GLG1: variants seen among roughly 807,000 people sequenced by gnomAD.
GLG1 encodes the protein golgi glycoprotein 1, also known as Golgi apparatus protein 1.
GLG1 carries 38 observed loss-of-function variants against 160.5 expected under a neutral mutation model. That is an observed-to-expected ratio of 0.24 (90% CI 0.18 to 0.31). GLG1 has a LOEUF of 0.31. Ranked by LOEUF, GLG1 falls within the 10% of genes least tolerant of loss-of-function variation. The pLI, the probability that GLG1 is intolerant of heterozygous loss-of-function variation, is 1.00. For missense variants in GLG1, 1,373 were observed against 1,505.2 expected, an observed-to-expected ratio of 0.91 and a Z score of 1.45; for synonymous variants, 644 against 543.4, an observed-to-expected ratio of 1.19 and a Z score of -2.57.
At chr16:74,456,564 C>T (rs2014549191) in intron 25 of GLG1, 85 bp downstream of exon 25, 3 of 824,098 alleles carry the variant, frequency 3.6e-6, no homozygotes, top group African/African-American at 1.7e-5. Flanking sequence ...AGTGGCATGG[C>T]CTTTGCTCAA....
At chr16:74,601,612 A>C (rs1057345735) in intron 1 of GLG1, among the ~76,000 whole-genome samples, 1 of 152,134 alleles carries the variant, frequency 6.6e-6, no homozygotes, top group Admixed American at 6.6e-5. Flanking sequence ...TTCTAGTACA[A>C]ATCCTGCTTA....
At chr16:74,506,602 A>AAAC (rs2016618412) in intron 3 of GLG1, among the ~76,000 whole-genome samples, 1 of 149,272 alleles carries the variant, frequency 6.7e-6, no homozygotes, top group African/African-American at 2.5e-5. Flanking sequence ...AAAAAAAAAA[A>AAAC]AACTCAAGAG....
At position 74,535,166 on chromosome 16, in the gene GLG1, G is replaced by A. The variant is rs531587650; in HGVS notation, c.439-3013C>T. On this transcript the variant is annotated intron_variant, in intron 1 of 25. Transcript: ENST00000422840. ...CGAGTTAAGCCCATGAAAGTTTGAG[G>A]GTGTCTGTTATGAAGAAAAAATGAC... Among the ~76,000 whole-genome samples, 22 of 152,098 alleles carry A rather than the reference G, an allele frequency of 1.4e-4. No individual in the cohort carries two copies. The South Asian group carries it at 4.4e-3, about 30-fold the overall frequency.
chr16:74,543,877 T>C (rs1174039732), intron 1 of GLG1, among the ~76,000 whole-genome samples: 1 of 152,046 alleles, frequency 6.6e-6, no homozygotes, highest in Non-Finnish European at 1.5e-5. Flanking sequence ...CAAATTCTAA[T>C]TCCCTGTGCT....
intron 1 of GLG1, among the ~76,000 whole-genome samples, chr16:74,597,724 G>A (rs1958338801): frequency 6.6e-6 from 1 of 151,114 alleles, no homozygotes; most frequent in Non-Finnish European, 1.5e-5. Flanking sequence ...CATGGTGGCG[G>A]GCGCCTGTAG....
At chr16:74,509,796 C>T (rs915736562) in intron 2 of GLG1, among the ~76,000 whole-genome samples, 2 of 150,972 alleles carry the variant, frequency 1.3e-5, no homozygotes, top group African/African-American at 4.9e-5. Flanking sequence ...TTGCAGTGAG[C>T]CGAGATAGCG....
chr16:74,565,962 T>C (rs920258057), intron 1 of GLG1, among the ~76,000 whole-genome samples: 1 of 152,234 alleles, frequency 6.6e-6, no homozygotes, highest in Non-Finnish European at 1.5e-5. Context: ...CTTGTTCTGA[T>C]GATCTTGACT....
chr16:74,522,294 A>C (rs1480756501), intron 2 of GLG1, among the ~76,000 whole-genome samples: 1 of 152,254 alleles, frequency 6.6e-6, no homozygotes, highest in Admixed American at 6.5e-5. Context: ...ACCTAGAAGT[A>C]AAATGGCTGT....
chr16:74,494,696 T>C (rs2016123553), intron 6 of GLG1, 64 bp downstream of exon 6: 3 of 768,892 alleles, frequency 3.9e-6, no homozygotes, highest in Non-Finnish European at 6.8e-6. Flanking sequence ...TGAGCCACCG[T>C]GTCTGGCTGA....
intron 2 of GLG1, among the ~76,000 whole-genome samples, chr16:74,510,750 G>T (rs1442476228): frequency 6.6e-6 from 1 of 152,144 alleles, no homozygotes; most frequent in African/African-American, 2.4e-5. Context: ...GGAACTGGTG[G>T]ATAAAACATA....
chr16:74,497,311 C>A (rs879924196), intron 4 of GLG1, among the ~76,000 whole-genome samples: 6 of 34,006 alleles, frequency 1.8e-4, no homozygotes, highest in Middle Eastern at 0.024. Context: ...CACACACACA[C>A]ACACAAAAAA....
chr16:74,465,337 T>C (rs1444786101), intron 19 of GLG1, among the ~76,000 whole-genome samples: 1 of 152,206 alleles, frequency 6.6e-6, no homozygotes, highest in Non-Finnish European at 1.5e-5. Flanking sequence ...CTATTAATCG[T>C]CCTCAAAACC....
At chr16:74,481,955 T>A (rs2143318819) in intron 10 of GLG1, among the ~76,000 whole-genome samples, 1 of 152,072 alleles carries the variant, frequency 6.6e-6, no homozygotes, top group South Asian at 2.1e-4. Flanking sequence ...CCCGGCTAAT[T>A]TTTTTTGTAT....
At position 74,483,049 on chromosome 16, in the gene GLG1, C is replaced by T. The variant is rs151113471; in HGVS notation, c.1647G>A (p.Leu549=). Residue 549 remains leucine, a synonymous_variant, in exon 10 of 26, where the codon CTG becomes CTA. Coordinates refer to ENST00000422840, the MANE Select transcript of GLG1 (RefSeq NM_001145667.2). ...TCCAATCCCGGGAGATGAAATACTG[C>T]AGCTCTAAGAGACGGTGTTCACAGT... ...VEDCEHRLLE[L]QYFISRDWKL... 1 of 1,604,162 alleles carries T rather than the reference C, an allele frequency of 6.2e-7. No homozygotes were observed. Among genetic ancestry groups the T allele is most frequent in the Non-Finnish European group, 8.5e-7 (1 of 1,171,046 alleles).
In GLG1 at chr16:74,541,964, G is replaced by C. The variant is rs1472230290; in HGVS notation, c.439-9811C>G. On this transcript the variant is annotated intron_variant, in intron 1 of 25. Transcript: ENST00000422840. The stretch of plus-strand genomic sequence containing the variant: ...ATACATCTTCATGACTGGGAAAGCA[G>C]GGGAGTTTAATGATACATTTTCCCA... Among the ~76,000 whole-genome samples the C allele has an allele frequency of 2.0e-5, 3 of 147,676 alleles. No homozygotes were observed. The East Asian group carries it at 6.0e-4, about 29-fold the overall frequency.
intron 4 of GLG1, among the ~76,000 whole-genome samples, chr16:74,497,146 A>G (rs776288617): frequency 2.6e-5 from 4 of 151,844 alleles, no homozygotes; most frequent in Admixed American, 6.6e-5. Flanking sequence ...AAAATTAGCC[A>G]GGCATGGTGG....
chr16:74,570,047 C>A lies in GLG1; in HGVS notation c.438+36610G>T, dbSNP rs9931536. ...AAGAAAAGGAAAGAAAAAAAAAAAA[C>A]AATAGTTTTGAAATTTTTTGATGGC... On this transcript the variant is annotated intron_variant, in intron 1 of 25. Coordinates refer to ENST00000422840, the MANE Select transcript of GLG1 (RefSeq NM_001145667.2). Among the ~76,000 whole-genome samples, 628 of 148,860 alleles carry A rather than the reference C, an allele frequency of 4.2e-3. 5 individuals carry two copies. Among genetic ancestry groups the A allele is most frequent in the African/African-American group, 0.015 (600 of 40,690 alleles).
intron 2 of GLG1, among the ~76,000 whole-genome samples, chr16:74,509,848 C>CA (rs34364918): frequency 0.035 from 4,055 of 114,642 alleles, 74 homozygotes; most frequent in African/African-American, 0.062. Flanking sequence ...GACTCTGTCT[C>CA]AAAAAAAAAA....
intron 19 of GLG1, 38 bp downstream of exon 19, chr16:74,465,638 T>G: frequency 6.2e-7 from 1 of 1,601,542 alleles, no homozygotes; most frequent in African/African-American, 1.3e-5. Context: ...GTTGTTTTGT[T>G]GTTCATCCGT....
Sources: allele counts gnomAD v4.1 joint callset (sites outside exome capture counted in the v4.1 genomes callset), GRCh38; gene constraint gnomAD v4.1.1; transcripts MANE v1.5; gene names NCBI Gene and HGNC (gene_info 2026-07-23, HGNC 2026-07-21).